SMYD3: variants seen among roughly 807,000 people sequenced by gnomAD.
SMYD3 encodes the protein SET and MYND domain containing 3.
Under a neutral mutation model 57.7 loss-of-function variants are expected in SMYD3, and 36 were observed. That is an observed-to-expected ratio of 0.62 (90% CI 0.48 to 0.82). SMYD3 has a LOEUF of 0.82. Among genes scored for constraint, SMYD3 ranks in the 40% least tolerant of loss-of-function variants. The pLI is 0.00. For synonymous variants in SMYD3, 211 were observed against 195.0 expected (o/e 1.08, Z -0.68); for missense variants, 515 against 538.8 (o/e 0.96, Z 0.44).
chr1:245,822,000 G>C (rs562295495), intron 10 of SMYD3, among the ~76,000 whole-genome samples: 25 of 152,040 alleles, frequency 1.6e-4, no homozygotes, highest in Non-Finnish European at 2.9e-4. Flanking sequence ...AATTCCTCAG[G>C]GATCTCGAAC....
chr1:246,008,157 T>C (rs1360217099), intron 5 of SMYD3, among the ~76,000 whole-genome samples: 2 of 152,220 alleles, frequency 1.3e-5, no homozygotes, highest in African/African-American at 2.4e-5. Context: ...TTTCCTTACC[T>C]GTAAACAGGG....
chr1:245,970,066 A>C (rs542241013), intron 5 of SMYD3, among the ~76,000 whole-genome samples: 45 of 152,360 alleles, frequency 3.0e-4, no homozygotes, highest in Middle Eastern at 3.4e-3. Context: ...AAACTGTACT[A>C]CAAGGCTACA....
chr1:246,168,846 A>G (rs961576807), intron 5 of SMYD3, among the ~76,000 whole-genome samples: 1 of 152,118 alleles, frequency 6.6e-6, no homozygotes, highest in South Asian at 2.1e-4. Flanking sequence ...AGGAGTGTTT[A>G]GTAAAACAAA....
chr1:246,437,949 G>A (rs1489873775), intron 1 of SMYD3, among the ~76,000 whole-genome samples: 3 of 152,168 alleles, frequency 2.0e-5, no homozygotes, highest in Admixed American at 6.5e-5. Context: ...AGAATGCTGG[G>A]AGAATACCAA....
At chr1:246,229,282 C>A (rs1179953584) in intron 5 of SMYD3, among the ~76,000 whole-genome samples, 1 of 151,886 alleles carries the variant, frequency 6.6e-6, no homozygotes, top group Non-Finnish European at 1.5e-5. Flanking sequence ...TCTTTGAAAT[C>A]CATTTATCTT....
At chr1:245,983,757 G>C (rs1447167398) in intron 5 of SMYD3, among the ~76,000 whole-genome samples, 4 of 152,078 alleles carry the variant, frequency 2.6e-5, no homozygotes, top group African/African-American at 9.7e-5. Flanking sequence ...AAAAGCCCCT[G>C]AACACCTCAA....
At chr1:246,455,073 T>C (rs999396489) in intron 1 of SMYD3, among the ~76,000 whole-genome samples, 4 of 152,204 alleles carry the variant, frequency 2.6e-5, no homozygotes, top group African/African-American at 9.6e-5. Context: ...GTGCCTGAAA[T>C]GCTAAATTTA....
intron 8 of SMYD3, among the ~76,000 whole-genome samples, chr1:245,872,692 C>T (rs954476674): frequency 6.6e-6 from 1 of 152,344 alleles, no homozygotes; most frequent in East Asian, 1.9e-4. Flanking sequence ...CCAGCATTTG[C>T]CAAATGCCCA....
At chr1:246,080,763 G>A (rs1435298054) in intron 5 of SMYD3, among the ~76,000 whole-genome samples, 1 of 152,116 alleles carries the variant, frequency 6.6e-6, no homozygotes, top group East Asian at 1.9e-4. Flanking sequence ...TTATCTTAGT[G>A]TATTATCTAT....
chr1:246,427,287 G>A (rs1171044972), intron 1 of SMYD3, among the ~76,000 whole-genome samples: 2 of 151,556 alleles, frequency 1.3e-5, no homozygotes, highest in South Asian at 2.1e-4. Context: ...TTGGGAGGCC[G>A]AGGCGGGCGG....
In SMYD3 at chr1:246,033,952, T is replaced by C. The variant is rs1208135082; in HGVS notation, c.532-104015A>G. ...TATCTTACAACTGTATATGAATCTATAATTATCTCAAAAATAAAAGGTTTA... is the reference window on the plus strand; with the variant it reads ...TATCTTACAACTGTATATGAATCTACAATTATCTCAAAAATAAAAGGTTTA... On this transcript the variant is annotated intron_variant, in intron 5 of 11. Coordinates refer to ENST00000490107, the MANE Select transcript of SMYD3 (RefSeq NM_001167740.2). Among the ~76,000 whole-genome samples the C allele has an allele frequency of 2.0e-5, 3 of 152,210 alleles. No individual in the cohort carries two copies. In the East Asian group the frequency reaches 5.8e-4, roughly 29 times the overall value.
intron 1 of SMYD3, among the ~76,000 whole-genome samples, chr1:246,386,255 G>A (rs12745368): frequency 0.39 from 59,382 of 151,932 alleles, 11,794 homozygotes; most frequent in East Asian, 0.51. Flanking sequence ...TAGGTTTATC[G>A]GCTTGCTACA....
At chr1:246,161,503 T>C (rs1270402672) in intron 5 of SMYD3, among the ~76,000 whole-genome samples, 2 of 152,194 alleles carry the variant, frequency 1.3e-5, no homozygotes, top group Non-Finnish European at 2.9e-5. Context: ...CCTCCACCTT[T>C]GATTTCGATG....
At chr1:246,005,116 TG>T (rs1379381274) in intron 5 of SMYD3, among the ~76,000 whole-genome samples, 3 of 152,184 alleles carry the variant, frequency 2.0e-5, no homozygotes, top group Non-Finnish European at 4.4e-5. Context: ...CCCAAAGTGC[TG>T]GTATTATATG....
At chr1:245,864,756 C>T (rs2051738629) in intron 8 of SMYD3, among the ~76,000 whole-genome samples, 1 of 152,068 alleles carries the variant, frequency 6.6e-6, no homozygotes, top group Non-Finnish European at 1.5e-5. Flanking sequence ...GGGTGAATTT[C>T]ATCACAGGTG....
rs868503445 is a variant in SMYD3 at position 246,181,835 on chromosome 1, A to G, written c.531+145366T>C. On this transcript the variant is annotated intron_variant, in intron 5 of 11. Transcript: ENST00000490107. Reference sequence around the variant, plus strand: ...TACATAGACACAACTTAAAGCAGAGAAGCCAGGTAGAGAGATTTGAAAAAT... The same window carrying G: ...TACATAGACACAACTTAAAGCAGAGGAGCCAGGTAGAGAGATTTGAAAAAT... Among the ~76,000 whole-genome samples the G allele has an allele frequency of 2.0e-5, 3 of 152,200 alleles. No homozygotes were observed. In the South Asian group the frequency reaches 6.2e-4, roughly 31 times the overall value.
At chr1:245,816,707 G>A (rs183328743) in intron 10 of SMYD3, among the ~76,000 whole-genome samples, 276 of 152,198 alleles carry the variant, frequency 1.8e-3, no homozygotes, top group African/African-American at 6.1e-3. Context: ...TGCGCGAGCC[G>A]AAGCAGGGTA....
rs117703652 is a variant in SMYD3, at chr1:246,048,583, A to G, written c.532-118646T>C. Among the ~76,000 whole-genome samples the G allele has an allele frequency of 4.0e-4, 61 of 152,300 alleles. No individual in the cohort carries two copies. In the East Asian group the frequency reaches 0.011, roughly 27 times the overall value. On this transcript the variant is annotated intron_variant, in intron 5 of 11. Coordinates refer to ENST00000490107, the MANE Select transcript of SMYD3 (RefSeq NM_001167740.2). The stretch of plus-strand genomic sequence containing the variant: ...ATTTTGCTGCAGTGAGATGTAATAT[A>G]GTATACAGTAGTAAGGGCTCTAGAG...
intron 5 of SMYD3, among the ~76,000 whole-genome samples, chr1:245,940,892 C>T (rs2147894730): frequency 6.6e-6 from 1 of 152,228 alleles, no homozygotes; most frequent in South Asian, 2.1e-4. Flanking sequence ...TTTGTTCTAA[C>T]CCAATGCAAA....
Sources: allele counts gnomAD v4.1 joint callset (sites outside exome capture counted in the v4.1 genomes callset), GRCh38; gene constraint gnomAD v4.1.1; transcripts MANE v1.5; gene names NCBI Gene and HGNC (gene_info 2026-07-23, HGNC 2026-07-21).